The following SYT6 variants were observed in gnomAD, a reference collection of about 807,000 sequenced individuals.
SYT6 encodes the protein synaptotagmin 6.
A neutral mutation model predicts 38.4 loss-of-function variants in SYT6; 24 were observed. The ratio of observed to expected loss-of-function variants is 0.62; its 90% CI spans 0.45 to 0.88. The LOEUF (loss-of-function observed/expected upper bound fraction) is 0.88. Ranked by LOEUF, SYT6 falls within the 40% of genes least tolerant of loss-of-function variation. The pLI is 0.00. For missense variants in SYT6, 611 were observed against 621.0 expected (o/e 0.98, Z 0.17); for synonymous variants, 265 against 241.9 (o/e 1.10, Z -0.89).
intron 1 of SYT6, among the ~76,000 whole-genome samples, chr1:114,144,343 C>T (rs907702878): frequency 1.1e-4 from 16 of 152,176 alleles, no homozygotes; most frequent in Admixed American, 6.5e-5. Flanking sequence ...GAAATGACCC[C>T]ACAAGTAGTG....
chr1:114,103,885 G>C (rs1316141922), intron 3 of SYT6, among the ~76,000 whole-genome samples, 164 bp from the exon 4 acceptor site: 1 of 152,154 alleles, frequency 6.6e-6, no homozygotes, highest in African/African-American at 2.4e-5. Flanking sequence ...CAAGTAACAG[G>C]GTATAAAAGG....
At chr1:114,092,338 C>CTCTCTCTGTGTG (rs991723002) in intron 7 of SYT6, among the ~76,000 whole-genome samples, 13 of 128,572 alleles carry the variant, frequency 1.0e-4, no homozygotes, top group African/African-American at 3.6e-4. Flanking sequence ...CTCTCTCTCT[C>CTCTCTCTGTGTG]TGTGTGTGTG....
At chr1:114,122,345 A>T (rs1413827103) in intron 3 of SYT6, among the ~76,000 whole-genome samples, 1 of 152,182 alleles carries the variant, frequency 6.6e-6, no homozygotes, top group African/African-American at 2.4e-5. Flanking sequence ...TTCTTAGCGG[A>T]ACCAAAAAAT....
chr1:114,142,851 A>G (rs1244451530), intron 1 of SYT6, among the ~76,000 whole-genome samples: 1 of 152,188 alleles, frequency 6.6e-6, no homozygotes, highest in African/African-American at 2.4e-5. Context: ...TTAGCAATCA[A>G]GCTTTTAAAA....
At chr1:114,103,466 G>C in intron 4 of SYT6, 135 bp downstream of exon 4, 1 of 1,247,980 alleles carries the variant, frequency 8.0e-7, no homozygotes, top group Non-Finnish European at 1.1e-6. Flanking sequence ...ACTGGAATTC[G>C]AATCCAGGCA....
intron 1 of SYT6, among the ~76,000 whole-genome samples, chr1:114,143,928 C>T (rs1363937552): frequency 6.6e-6 from 1 of 152,142 alleles, no homozygotes; most frequent in Non-Finnish European, 1.5e-5. Context: ...TCCCACTTCC[C>T]TCTCCAAATT....
rs1675274912 is a variant in SYT6 at position 114,091,037 on chromosome 1, T to C, written c.*1097A>G. On this transcript the variant is annotated 3_prime_UTR_variant, in exon 8 of 8. Coordinates refer to ENST00000610222, the MANE Select transcript of SYT6 (RefSeq NM_001253772.2). ...GTTTCAATCAAAAACATACTCTTCA[T>C]AGAAAGATGGACTCAAACTGCTATT... The C allele has an allele frequency of 6.5e-6, 1 of 152,918 alleles. No homozygotes were observed. The highest frequency in any genetic ancestry group is 1.5e-5 in the Non-Finnish European group (1 of 68,044). The allele number at this position is 152,918 out of a possible 1,614,324, so 9.5% of individuals were successfully genotyped here.
At chr1:114,109,672 G>C (rs191138402) in intron 3 of SYT6, among the ~76,000 whole-genome samples, 3 of 152,310 alleles carry the variant, frequency 2.0e-5, no homozygotes, top group Admixed American at 2.0e-4. Flanking sequence ...CTGTTATAAA[G>C]AGCTCACGGT....
At chr1:114,129,313 G>A (rs181907217) in intron 3 of SYT6, among the ~76,000 whole-genome samples, 1 of 151,990 alleles carries the variant, frequency 6.6e-6, no homozygotes, top group Non-Finnish European at 1.5e-5. Context: ...CTGACTTCCT[G>A]CCTTTCCTCT....
chr1:114,116,694 C>G (rs900403221), intron 3 of SYT6, among the ~76,000 whole-genome samples: 1 of 152,156 alleles, frequency 6.6e-6, no homozygotes, highest in Non-Finnish European at 1.5e-5. Context: ...CCCAAGTGAT[C>G]AGCCAACTTA....
intron 3 of SYT6, among the ~76,000 whole-genome samples, chr1:114,112,258 C>G (rs1026986762): frequency 2.0e-5 from 3 of 152,154 alleles, no homozygotes; most frequent in East Asian, 3.9e-4. Context: ...TGTGGAGCAG[C>G]GGTGCACGGA....
intron 6 of SYT6, among the ~76,000 whole-genome samples, chr1:114,097,460 G>T (rs1675701876): frequency 6.6e-6 from 1 of 152,220 alleles, no homozygotes; most frequent in African/African-American, 2.4e-5. Context: ...TGGCACAGTG[G>T]TCTGCTGGGA....
intron 3 of SYT6, among the ~76,000 whole-genome samples, chr1:114,119,915 C>CA (rs1677279779): frequency 6.6e-6 from 1 of 151,974 alleles, no homozygotes; most frequent in Non-Finnish European, 1.5e-5. Context: ...ACTAAAAATA[C>CA]AAAAAATTAG....
At chr1:114,148,601 A>C (rs1679274435) in intron 1 of SYT6, among the ~76,000 whole-genome samples, 1 of 152,240 alleles carries the variant, frequency 6.6e-6, no homozygotes, top group Admixed American at 6.5e-5. Flanking sequence ...GGAGCTTGGA[A>C]GAAGAGCGTT....
At position 114,137,555 on chromosome 1, in the gene SYT6, A is replaced by G; in HGVS notation, c.1011T>C (p.Phe337=). The G allele has an allele frequency of 6.2e-7, 1 of 1,614,226 alleles. No individual in the cohort carries two copies. Among genetic ancestry groups the G allele is most frequent in the Non-Finnish European group, 8.5e-7 (1 of 1,180,038 alleles). ...MIGEVILDNL[F]EASDLSRETS... ...TTTCCCGAGACAGGTCAGAGGCCTC[A>G]AAGAGGTTGTCCAGGATGACCTCGC... The change falls in exon 3 of 8, where the codon TTT becomes TTC. Residue 337 remains phenylalanine, a synonymous_variant. Coordinates refer to ENST00000610222, the MANE Select transcript of SYT6 (RefSeq NM_001253772.2).
At position 114,139,868 on chromosome 1, in the gene SYT6, G is replaced by C. The variant is rs751862880; in HGVS notation, c.259C>G (p.Pro87Ala). The change falls in exon 2 of 8, where the codon CCC becomes GCC. Residue 87 changes from proline (P) to alanine (A), a missense_variant. Coordinates refer to ENST00000610222, the MANE Select transcript of SYT6 (RefSeq NM_001253772.2). ...CTGGAGGCCTCCTTGTTCCTCCAGG[G>C]CATCCAGCACAGCTTCCAAAAGAGA... is the stretch of plus-strand genomic sequence containing the variant. ...LFLFWKLCWM[P>A]WRNKEASSPS... The C allele has an allele frequency of 9.5e-6, 15 of 1,574,604 alleles. No homozygotes were observed. Among genetic ancestry groups the C allele is most frequent in the Non-Finnish European group, 1.3e-5 (15 of 1,160,904 alleles).
At chr1:114,120,449 G>A (rs141664283) in intron 3 of SYT6, among the ~76,000 whole-genome samples, 1 of 152,256 alleles carries the variant, frequency 6.6e-6, no homozygotes, top group South Asian at 2.1e-4. Context: ...TAGGGGACTC[G>A]CTGGATTCCA....
chr1:114,091,961 G>A lies in SYT6; in HGVS notation c.*173C>T, dbSNP rs1234475580. 6 of 1,520,202 alleles carry A rather than the reference G, an allele frequency of 3.9e-6. No homozygotes were observed. In the African/African-American group the frequency reaches 6.9e-5, roughly 17 times the overall value. The allele number at this position is 1,520,202 out of a possible 1,614,324, so 94.2% of individuals were successfully genotyped here. On this transcript the variant is annotated 3_prime_UTR_variant, in exon 8 of 8. Transcript: ENST00000610222. ...CAACACTGTTTAGACGGTTGAACAA[G>A]TGCAAAGAGAACATTGCTGAGTCCC... is the stretch of plus-strand genomic sequence containing the variant.
intron 4 of SYT6, among the ~76,000 whole-genome samples, chr1:114,103,073 GC>G: frequency 6.6e-6 from 1 of 152,330 alleles, no homozygotes; most frequent in East Asian, 1.9e-4. Context: ...CAGGAGGCCT[GC>G]AGCAAAGCCT....
Sources: gnomAD v4.1 joint callset for allele counts (sites outside exome capture counted in the v4.1 genomes callset) on GRCh38, gnomAD v4.1.1 for gene constraint, MANE v1.5 for transcripts, NCBI Gene and HGNC (gene_info 2026-07-23, HGNC 2026-07-21) for gene names.